The following KIZ variants were observed in gnomAD, a reference collection of about 807,000 sequenced individuals.
KIZ encodes the protein centrosomal protein kizuna.
In KIZ, 68 loss-of-function variants were observed where a neutral mutation model predicts 79.6. The ratio of observed to expected loss-of-function variants is 0.85; its 90% confidence interval spans 0.70 to 1.05. The LOEUF (loss-of-function observed/expected upper bound fraction) is 1.05, where lower values mean the gene tolerates loss of function less well. Among genes scored for constraint, KIZ ranks in the 50% least tolerant of loss-of-function variants. The pLI, the probability that KIZ is intolerant of heterozygous loss-of-function variation, is 0.00. For missense variants in KIZ, 797 were observed against 800.4 expected (o/e 1.00, Z 0.05); for synonymous variants, 280 against 281.8 (o/e 0.99, Z 0.06).
chr20:21,231,586 G>A (rs186721324), intron 10 of KIZ, among the ~76,000 whole-genome samples: 1 of 152,284 alleles, frequency 6.6e-6, no homozygotes, highest in Non-Finnish European at 1.5e-5. Context: ...AAGTGCTCCT[G>A]CCTATGTTTG....
chr20:21,164,048 C>T (rs1182213434), intron 6 of KIZ, among the ~76,000 whole-genome samples: 1 of 152,192 alleles, frequency 6.6e-6, no homozygotes, highest in Non-Finnish European at 1.5e-5. Context: ...GGGCAGAACA[C>T]CCCACAGCCT....
At chr20:21,243,728 G>C (rs2037296146) in intron 11 of KIZ, among the ~76,000 whole-genome samples, 1 of 152,156 alleles carries the variant, frequency 6.6e-6, no homozygotes, top group Non-Finnish European at 1.5e-5. Flanking sequence ...GACACTTGCA[G>C]GGCCCTCTAC....
intron 6 of KIZ, among the ~76,000 whole-genome samples, chr20:21,204,464 A>G (rs1363049035): frequency 6.6e-6 from 1 of 151,804 alleles, no homozygotes; most frequent in African/African-American, 2.4e-5. Flanking sequence ...TATTTTTTAA[A>G]TTTTATTAAT....
At chr20:21,162,729 C>T (rs1298427614) in intron 5 of KIZ, 121 bp from the exon 6 acceptor site, 25 of 876,740 alleles carry the variant, frequency 2.9e-5, no homozygotes, top group South Asian at 7.3e-5. Context: ...TTTTAAGTTC[C>T]GTAATGAATT....
chr20:21,141,894 C>A (rs2032563898), intron 3 of KIZ, among the ~76,000 whole-genome samples: 4 of 149,496 alleles, frequency 2.7e-5, no homozygotes. Context: ...CACATTTTTT[C>A]TCCTCATCTC....
chr20:21,138,348 A>G (rs191469996), intron 3 of KIZ, among the ~76,000 whole-genome samples: 1 of 152,156 alleles, frequency 6.6e-6, no homozygotes, highest in Non-Finnish European at 1.5e-5. Flanking sequence ...CATCCCCTGT[A>G]TTTCCTGTGA....
intron 11 of KIZ, among the ~76,000 whole-genome samples, chr20:21,234,466 G>T (rs1234700781): frequency 6.6e-6 from 1 of 151,924 alleles, no homozygotes; most frequent in African/African-American, 2.4e-5. Flanking sequence ...CGTGCTGTTT[G>T]TCACGGTTTG....
chr20:21,205,222 G>A (rs2035766518), intron 6 of KIZ, among the ~76,000 whole-genome samples: 1 of 152,122 alleles, frequency 6.6e-6, no homozygotes, highest in Non-Finnish European at 1.5e-5. Context: ...CTCTGTAGAG[G>A]TGGCCCCAGG....
intron 1 of KIZ, among the ~76,000 whole-genome samples, chr20:21,130,674 G>A (rs909926335): frequency 4.0e-5 from 6 of 151,812 alleles, no homozygotes; most frequent in African/African-American, 1.5e-4. Context: ...GCAACCCATG[G>A]GTTGTGTTCC....
In KIZ at chr20:21,128,634, G is replaced by A. The variant is rs1009285023; in HGVS notation, c.89+2430G>A. On this transcript the variant is annotated intron_variant, in intron 1 of 12. Coordinates refer to ENST00000619189, the MANE Select transcript of KIZ (RefSeq NM_018474.6). ...GTGTACAGTGTTTTTTCTGCATTGT[G>A]GTGAAAGTCAATAATTGAATCTAAA... Among the ~76,000 whole-genome samples the A allele has an allele frequency of 4.6e-5, 7 of 152,176 alleles. No homozygotes were observed. In the East Asian group the frequency reaches 1.3e-3, roughly 29 times the overall value.
At chr20:21,139,931 C>G (rs2032423286) in intron 3 of KIZ, among the ~76,000 whole-genome samples, 2 of 152,154 alleles carry the variant, frequency 1.3e-5, no homozygotes, top group South Asian at 4.1e-4. Flanking sequence ...GCACTACACT[C>G]AGGAAGGATG....
At chr20:21,176,178 C>T (rs1164571703) in intron 6 of KIZ, among the ~76,000 whole-genome samples, 3 of 152,206 alleles carry the variant, frequency 2.0e-5, no homozygotes, top group Middle Eastern at 3.4e-3. Context: ...GGTGTGGTGG[C>T]GGGTGCCTGT....
At chr20:21,144,984 A>C (rs548097292) in intron 3 of KIZ, among the ~76,000 whole-genome samples, 1 of 152,260 alleles carries the variant, frequency 6.6e-6, no homozygotes, top group East Asian at 1.9e-4. Flanking sequence ...AGACATCTTT[A>C]TGTAGTTATT....
intron 6 of KIZ, among the ~76,000 whole-genome samples, chr20:21,171,411 CA>C (rs1485794097): frequency 3.7e-4 from 57 of 152,264 alleles, no homozygotes; most frequent in African/African-American, 1.3e-3. Context: ...GTGTCTTTTA[CA>C]GAGCAGAAGT....
At chr20:21,193,322 T>C (rs994799085) in intron 6 of KIZ, among the ~76,000 whole-genome samples, 11 of 152,192 alleles carry the variant, frequency 7.2e-5, no homozygotes, top group Non-Finnish European at 1.3e-4. Flanking sequence ...GTAAAAGTTA[T>C]CTGATAGGGT....
intron 4 of KIZ, among the ~76,000 whole-genome samples, chr20:21,159,616 A>G (rs1030311841): frequency 1.3e-5 from 2 of 152,168 alleles, no homozygotes; most frequent in African/African-American, 4.8e-5. Context: ...GAGATCTTAC[A>G]GTATATGGTC....
intron 9 of KIZ, among the ~76,000 whole-genome samples, chr20:21,226,528 G>A (rs1414057891): frequency 1.3e-5 from 2 of 152,086 alleles, no homozygotes; most frequent in Admixed American, 1.3e-4. Context: ...CTAAATAGGG[G>A]GGTGATGCAT....
rs371749929 is a variant in KIZ at position 21,246,578 on chromosome 20, G to C, written c.*2G>C. 2 of 1,563,288 alleles carry C rather than the reference G, an allele frequency of 1.3e-6. No individual in the cohort carries two copies. The highest frequency in any genetic ancestry group is 3.4e-5 in the Admixed American group (2 of 58,182). On this transcript the variant is annotated 3_prime_UTR_variant, in exon 13 of 13. Coordinates refer to ENST00000619189, the MANE Select transcript of KIZ (RefSeq NM_018474.6). Reference sequence around the variant, plus strand: ...GATTCTGATGATTTTTATGACTAACGTGCTGTGACATTGGTTTCAAATAAA... The same window carrying C: ...GATTCTGATGATTTTTATGACTAACCTGCTGTGACATTGGTTTCAAATAAA...
At chr20:21,157,553 C>T (rs1039118332) in intron 4 of KIZ, among the ~76,000 whole-genome samples, 1 of 152,192 alleles carries the variant, frequency 6.6e-6, no homozygotes. Context: ...AGTTCTGAAG[C>T]ATTTACTATA....
Sources: allele counts gnomAD v4.1 joint callset (sites outside exome capture counted in the v4.1 genomes callset), GRCh38; gene constraint gnomAD v4.1.1; transcripts MANE v1.5; gene names NCBI Gene and HGNC (gene_info 2026-07-23, HGNC 2026-07-21).